ZFHX3: variants seen among roughly 807,000 people sequenced by gnomAD.
The protein encoded by ZFHX3 is zinc finger homeobox 3.
In ZFHX3, 42 loss-of-function variants were observed where a neutral mutation model predicts 279.1. The observed-to-expected ratio is 0.15, with a 90% CI of 0.12 to 0.19. The LOEUF is 0.19. ZFHX3 is among the 10% of genes least tolerant of loss of function. The pLI is 1.00. For missense variants in ZFHX3, 4,981 were observed against 4,754.0 expected (o/e 1.05, Z -1.40); for synonymous variants, 2,293 against 1,957.8 (o/e 1.17, Z -4.52).
chr16:73,646,713 C>T (rs1476891178), intron 2 of ZFHX3, among the ~76,000 whole-genome samples: 1 of 152,004 alleles, frequency 6.6e-6, no homozygotes, highest in African/African-American at 2.4e-5. Flanking sequence ...TCGAAACCTC[C>T]GTGAAATGAA....
At chr16:73,810,960 G>T (rs1265552739) in intron 1 of ZFHX3, among the ~76,000 whole-genome samples, 2 of 151,826 alleles carry the variant, frequency 1.3e-5, no homozygotes, top group African/African-American at 4.8e-5. Context: ...CTTTCTCTGG[G>T]CCTCTTGCCT....
At chr16:73,363,063 GT>G (rs2143317278) in intron 3 of ZFHX3, among the ~76,000 whole-genome samples, 1 of 152,254 alleles carries the variant, frequency 6.6e-6, no homozygotes, top group African/African-American at 2.4e-5. Flanking sequence ...TCTTTCAGCC[GT>G]AGAGGACAGC....
At chr16:73,168,059 T>C (rs959779546) in intron 5 of ZFHX3, among the ~76,000 whole-genome samples, 14 of 152,156 alleles carry the variant, frequency 9.2e-5, no homozygotes, top group South Asian at 4.1e-4. Flanking sequence ...CATCTGCTTA[T>C]TTTCCTTCCT....
chr16:73,857,249 G>T (rs766353135), intron 1 of ZFHX3, among the ~76,000 whole-genome samples: 5 of 152,170 alleles, frequency 3.3e-5, no homozygotes, highest in Non-Finnish European at 7.4e-5. Context: ...ATTTGCTCTA[G>T]AATGAATGCA....
chr16:72,944,044 G>A (rs1287112524), intron 3 of ZFHX3, among the ~76,000 whole-genome samples: 2 of 152,194 alleles, frequency 1.3e-5, no homozygotes, highest in African/African-American at 4.8e-5. Context: ...CACTTTGGGA[G>A]GCCGAGGTGG....
intron 3 of ZFHX3, among the ~76,000 whole-genome samples, chr16:72,932,461 C>A (rs1040898141): frequency 6.6e-6 from 1 of 150,464 alleles, no homozygotes; most frequent in Non-Finnish European, 1.5e-5. Context: ...GGAGATATCC[C>A]TTTGGGAAAA....
intron 5 of ZFHX3, among the ~76,000 whole-genome samples, chr16:73,146,880 C>T (rs1597182338): frequency 6.6e-6 from 1 of 152,264 alleles, no homozygotes; most frequent in East Asian, 1.9e-4. Context: ...TGGTCTCGAA[C>T]TCCTGGGCTC....
intron 4 of ZFHX3, among the ~76,000 whole-genome samples, chr16:72,887,593 T>G (rs1486588659): frequency 6.8e-6 from 1 of 146,896 alleles, no homozygotes; most frequent in Non-Finnish European, 1.5e-5. Context: ...CCTGTGTATT[T>G]GTGGGTAGAG....
intron 1 of ZFHX3, among the ~76,000 whole-genome samples, chr16:73,816,805 G>A (rs1393188683): frequency 6.6e-6 from 1 of 152,214 alleles, no homozygotes; most frequent in Non-Finnish European, 1.5e-5. Context: ...ATTGAGAGTA[G>A]GCACAAGCCA....
chr16:73,856,572 T>C (rs1961733182), intron 1 of ZFHX3, among the ~76,000 whole-genome samples: 1 of 152,350 alleles, frequency 6.6e-6, no homozygotes, highest in South Asian at 2.1e-4. Context: ...TCTTCCAAAA[T>C]AAGCCAGCAT....
chr16:73,860,308 G>A lies in ZFHX3; in HGVS notation c.-1608+31343C>T, dbSNP rs527563581. 3.3e-5 allele frequency among the ~76,000 whole-genome samples: 5 copies of A among 152,074 alleles called. No individual in the cohort carries two copies. In the East Asian group the frequency reaches 9.7e-4, roughly 29 times the overall value. ...CAGCGGAATCACTGGCCTTTTGAAG[G>A]TTCTCTGTGCTTCATAATTTCTTGC... On this transcript the variant is annotated intron_variant, in intron 1 of 17. Transcript: ENST00000641206.
rs999279805 is a variant in ZFHX3 at position 72,957,866 on chromosome 16, T to C, written c.2280A>G (p.Gly760=). 1.2e-6 allele frequency: 2 copies of C among 1,613,848 alleles called. No individual in the cohort carries two copies. Among genetic ancestry groups the C allele is most frequent in the Non-Finnish European group, 1.7e-6 (2 of 1,180,016 alleles). ...HLNNMQNLQN[G]GGEQVFSHTA... is the part of the protein sequence containing the mutation. Reference sequence around the variant, plus strand: ...TGTGGCTGAAGACCTGCTCCCCCCCTCCATTCTGCAGGTTCTGCATGTTGT... The same window carrying C: ...TGTGGCTGAAGACCTGCTCCCCCCCCCCATTCTGCAGGTTCTGCATGTTGT... Residue 760 remains glycine, a synonymous_variant, in exon 2 of 10, where the codon GGA becomes GGG. Transcript: ENST00000268489.
intron 5 of ZFHX3, among the ~76,000 whole-genome samples, chr16:73,250,479 T>A (rs1224556189): frequency 6.6e-6 from 1 of 152,238 alleles, no homozygotes; most frequent in Non-Finnish European, 1.5e-5. Context: ...TTAATTACAA[T>A]CACAATGAAT....
chr16:72,866,358 G>C (rs566730881), intron 4 of ZFHX3, among the ~76,000 whole-genome samples: 1 of 152,156 alleles, frequency 6.6e-6, no homozygotes, highest in Admixed American at 6.5e-5. Flanking sequence ...GTGCATTTGC[G>C]TCCCCTTTTA....
chr16:73,447,781 G>A (rs190656497), intron 3 of ZFHX3, among the ~76,000 whole-genome samples: 2 of 152,242 alleles, frequency 1.3e-5, no homozygotes, highest in East Asian at 1.9e-4. Context: ...TCTACACGGA[G>A]CTCTACATAT....
At position 73,023,762 on chromosome 16, in the gene ZFHX3, G is replaced by A. The variant is rs566279946; in HGVS notation, c.-50+23990C>T. ...TTCATGTCATCTTGCCACCACCCAC[G>A]CCAATCCTTGAGCCTAGAGTAACGA... On this transcript the variant is annotated intron_variant, in intron 1 of 9. Transcript: ENST00000268489. Among the ~76,000 whole-genome samples the A allele has an allele frequency of 3.3e-5, 5 of 152,206 alleles. No individual in the cohort carries two copies. The South Asian group carries it at 1.0e-3, about 32-fold the overall frequency.
At chr16:73,519,116 C>T (rs148580315) in intron 2 of ZFHX3, among the ~76,000 whole-genome samples, 5 of 152,242 alleles carry the variant, frequency 3.3e-5, no homozygotes, top group African/African-American at 9.6e-5. Context: ...GAATTCCAGA[C>T]GGTTGAAAAT....
intron 1 of ZFHX3, among the ~76,000 whole-genome samples, chr16:73,724,457 T>C (rs61316974): frequency 0.079 from 11,980 of 152,282 alleles, 797 homozygotes; most frequent in African/African-American, 0.18. Context: ...GGTGTCATCA[T>C]TGAGAACCCC....
intron 2 of ZFHX3, among the ~76,000 whole-genome samples, chr16:73,459,732 A>G (rs2018439784): frequency 6.6e-6 from 1 of 152,094 alleles, no homozygotes; most frequent in African/African-American, 2.4e-5. Flanking sequence ...ACTTACAATC[A>G]TGGCAGGAGA....
Sources: allele counts gnomAD v4.1 joint callset (sites outside exome capture counted in the v4.1 genomes callset), GRCh38; gene constraint gnomAD v4.1.1; transcripts MANE v1.5; gene names NCBI Gene and HGNC (gene_info 2026-07-23, HGNC 2026-07-21).